The following STON2 variants were observed in gnomAD, a reference collection of about 807,000 sequenced individuals.
STON2 encodes stonin 2.
Under a neutral mutation model 65.7 loss-of-function variants are expected in STON2, and 29 were observed. The ratio of observed to expected loss-of-function variants is 0.44; its 90% CI spans 0.33 to 0.60. STON2 has a LOEUF of 0.60. STON2 is among the 20% of genes least tolerant of loss of function. STON2 has a pLI of 0.03. For missense variants in STON2, 1,054 were observed against 1,118.1 expected (o/e 0.94, Z 0.82); for synonymous variants, 404 against 414.2 (o/e 0.98, Z 0.30).
At position 81,371,006 on chromosome 14, in the gene STON2, A is replaced by G. The variant is rs1898959518; in HGVS notation, c.553T>C (p.Ser185Pro). ...NAEEQTSGQA[S>P]GADSTDKRTE... is the part of the protein sequence containing the mutation. ...ATCTTACCAGTTGAGTCAGCCCCAGAAGCCTGGCCACTCGTCTGCTCCTCA... is the reference window on the plus strand; with the variant it reads ...ATCTTACCAGTTGAGTCAGCCCCAGGAGCCTGGCCACTCGTCTGCTCCTCA... Residue 185 changes from serine to proline, a missense_variant, in exon 4 of 8, where the codon TCT (serine) becomes CCT (proline). Ser to Pro is a moderately conservative substitution (Grantham distance 74). Transcript: ENST00000614646. The G allele has an allele frequency of 1.2e-6, 2 of 1,612,674 alleles. No homozygotes were observed. Among genetic ancestry groups the G allele is most frequent in the Non-Finnish European group, 1.7e-6 (2 of 1,179,976 alleles).
At chr14:81,305,960 CA>C (rs1401981465) in intron 5 of STON2, among the ~76,000 whole-genome samples, 3 of 151,982 alleles carry the variant, frequency 2.0e-5, no homozygotes, top group African/African-American at 4.8e-5. Context: ...TGGTACTCAG[CA>C]AAAACCAGCT....
chr14:81,272,665 A>G lies in STON2; in HGVS notation c.2582-1793T>C, dbSNP rs184753529. On this transcript the variant is annotated intron_variant, in intron 6 of 7. Coordinates refer to ENST00000614646, the MANE Select transcript of STON2 (RefSeq NM_001394390.1). ...TTGAAAAATTTGCACTGATTTTCAG[A>G]AAAGAATTTAAGATACATATAACAG... Among the ~76,000 whole-genome samples the G allele has an allele frequency of 1.8e-4, 28 of 152,370 alleles. No individual in the cohort carries two copies. In the East Asian group the frequency reaches 5.2e-3, roughly 28 times the overall value.
At chr14:81,343,849 C>T (rs898117086) in intron 4 of STON2, among the ~76,000 whole-genome samples, 17 of 152,148 alleles carry the variant, frequency 1.1e-4, no homozygotes, top group African/African-American at 3.4e-4. Flanking sequence ...TTCCATTCTA[C>T]AGCTGAGGAA....
intron 6 of STON2, among the ~76,000 whole-genome samples, chr14:81,275,005 C>T (rs1322499488): frequency 2.6e-5 from 4 of 151,044 alleles, no homozygotes; most frequent in Non-Finnish European, 5.9e-5. Flanking sequence ...CCATTAGTCT[C>T]TATGACCAGA....
chr14:81,272,460 CACAA>C (rs1401091131), intron 6 of STON2, among the ~76,000 whole-genome samples: 2 of 152,144 alleles, frequency 1.3e-5, no homozygotes, highest in Admixed American at 1.3e-4. Flanking sequence ...TCCCAGTTTC[CACAA>C]ACAAACAATT....
intron 3 of STON2, among the ~76,000 whole-genome samples, chr14:81,387,053 G>T (rs1049931920): frequency 1.3e-5 from 2 of 152,036 alleles, no homozygotes; most frequent in African/African-American, 4.8e-5. Flanking sequence ...GAACACTATT[G>T]GCTAAAGGAC....
rs1292127000 is a variant in STON2 at position 81,371,037 on chromosome 14, G to A, written c.522C>T (p.Ile174=). The change falls in exon 4 of 8, where the codon ATC becomes ATT. Residue 174 remains isoleucine, a synonymous_variant. Transcript: ENST00000614646. The part of the protein sequence containing the change: ...FGCSYTDLQL[I]NAEEQTSGQA... ...GGCCACTCGTCTGCTCCTCAGCATT[G>A]ATGAGCTGCAGATCTGTATACGAAC... 1.2e-6 allele frequency: 2 copies of A among 1,613,650 alleles called. No individual in the cohort carries two copies. The highest frequency in any genetic ancestry group is 1.7e-6 in the Non-Finnish European group (2 of 1,180,016).
intron 4 of STON2, among the ~76,000 whole-genome samples, chr14:81,330,190 A>ACC (rs943144172): frequency 6.6e-6 from 1 of 151,784 alleles, no homozygotes; most frequent in South Asian, 2.1e-4. Flanking sequence ...GCATACCATC[A>ACC]CCCCCTCTCG....
At chr14:81,316,674 T>C (rs771062231) in intron 5 of STON2, among the ~76,000 whole-genome samples, 17 of 152,212 alleles carry the variant, frequency 1.1e-4, no homozygotes, top group Non-Finnish European at 2.1e-4. Flanking sequence ...ACCACAGTGT[T>C]AGTTCATTTT....
intron 2 of STON2, among the ~76,000 whole-genome samples, chr14:81,410,267 G>GT (rs1435121127): frequency 1.1e-5 from 1 of 89,350 alleles, no homozygotes. Context: ...GCAGATGAAT[G>GT]TAACTCTAAC....
At chr14:81,433,470 C>T (rs1166189127) in intron 1 of STON2, among the ~76,000 whole-genome samples, 1 of 152,218 alleles carries the variant, frequency 6.6e-6, no homozygotes, top group Admixed American at 6.5e-5. Flanking sequence ...GACCCAGGGT[C>T]CTTCATCATC....
intron 4 of STON2, among the ~76,000 whole-genome samples, chr14:81,344,527 T>C (rs1897739784): frequency 1.3e-5 from 2 of 152,262 alleles, no homozygotes; most frequent in Admixed American, 1.3e-4. Context: ...CCACTGTATG[T>C]ATGTATCATA....
chr14:81,292,485 A>G (rs1454746112), intron 5 of STON2, among the ~76,000 whole-genome samples: 1 of 152,148 alleles, frequency 6.6e-6, no homozygotes, highest in African/African-American at 2.4e-5. Flanking sequence ...GATGGGGGCA[A>G]GTTACCCCTG....
intron 5 of STON2, among the ~76,000 whole-genome samples, chr14:81,310,678 C>G (rs181010187): frequency 1.3e-5 from 2 of 152,262 alleles, no homozygotes; most frequent in Admixed American, 1.3e-4. Flanking sequence ...AATTATCTCT[C>G]CTATTTTGTG....
chr14:81,395,548 T>C (rs536179204), intron 3 of STON2: 2 of 190,224 alleles, frequency 1.1e-5, no homozygotes, highest in Admixed American at 5.8e-5. Context: ...AGCAGAAACA[T>C]TCATTTCTGT....
chr14:81,318,933 A>T (rs1402811904), intron 5 of STON2, among the ~76,000 whole-genome samples: 3 of 152,260 alleles, frequency 2.0e-5, no homozygotes, highest in Non-Finnish European at 4.4e-5. Flanking sequence ...TCCTTGACCA[A>T]CAGGATGCTA....
intron 3 of STON2, among the ~76,000 whole-genome samples, chr14:81,372,825 CAAAT>C (rs1029913670): frequency 1.5e-4 from 23 of 151,974 alleles, no homozygotes; most frequent in African/African-American, 5.6e-4. Flanking sequence ...AAAACCAAAA[CAAAT>C]AGAAAAAGAA....
chr14:81,291,889 ACAC>A (rs1157396491), intron 5 of STON2, among the ~76,000 whole-genome samples: 1 of 151,704 alleles, frequency 6.6e-6, no homozygotes, highest in African/African-American at 2.4e-5. Flanking sequence ...ACACACACAC[ACAC>A]ACACACACAC....
At chr14:81,414,704 C>A (rs78023543) in intron 2 of STON2, among the ~76,000 whole-genome samples, 1,777 of 151,988 alleles carry the variant, frequency 0.012, 45 homozygotes, top group African/African-American at 0.041. Context: ...CTCTGCCACT[C>A]GGGGAGGAGA....
Sources: allele counts gnomAD v4.1 joint callset (sites outside exome capture counted in the v4.1 genomes callset), GRCh38; gene constraint gnomAD v4.1.1; transcripts MANE v1.5; gene names NCBI Gene and HGNC (gene_info 2026-07-23, HGNC 2026-07-21).